The following TUBB8B variants were observed in gnomAD, a reference collection of about 807,000 sequenced individuals.
TUBB8B encodes the protein HSA18p11 beta-tubulin 4Q pseudogene.
In TUBB8B, 26 loss-of-function variants were observed where a neutral mutation model predicts 31.9. The observed-to-expected ratio is 0.81, with a 90% CI of 0.60 to 1.13. TUBB8B has a LOEUF of 1.13. Among genes scored for constraint, TUBB8B ranks in the 50% most tolerant of loss-of-function variants. The probability of loss-of-function intolerance (pLI) is 0.00; values close to 1 mark genes in which losing one functional copy is unlikely to be tolerated. For synonymous variants in TUBB8B, 173 were observed against 231.0 expected, an observed-to-expected ratio of 0.75 and a Z score of 2.28; for missense variants, 467 against 586.7, an observed-to-expected ratio of 0.80 and a Z score of 2.11.
chr18:60,037 G>A, the TUBB8B span, among the ~76,000 whole-genome samples: 1 of 151,610 alleles, frequency 6.6e-6, no homozygotes, highest in Non-Finnish European at 1.5e-5. Flanking sequence ...TTTTAAATGT[G>A]TCTTTGTCTT....
the TUBB8B span, among the ~76,000 whole-genome samples, chr18:61,800 C>T: frequency 6.6e-6 from 1 of 151,566 alleles, no homozygotes; most frequent in African/African-American, 2.4e-5. Flanking sequence ...CCCTATTTTA[C>T]TGTCTATGTC....
chr18:72,505 G>C, the TUBB8B span, among the ~76,000 whole-genome samples: 2 of 152,140 alleles, frequency 1.3e-5, no homozygotes, highest in African/African-American at 4.8e-5. Context: ...ACTTCCATTA[G>C]ACGCACACAA....
the TUBB8B span, among the ~76,000 whole-genome samples, chr18:69,094 T>C: frequency 2.0e-5 from 3 of 152,326 alleles, no homozygotes; most frequent in Non-Finnish European, 4.4e-5. Context: ...AAGGAAATAA[T>C]AGTTTAATGG....
the TUBB8B span, among the ~76,000 whole-genome samples, chr18:61,827 G>T: frequency 1.3e-5 from 2 of 151,478 alleles, no homozygotes; most frequent in Non-Finnish European, 3.0e-5. Context: ...ATATGTTGTA[G>T]TTATTTTTTA....
the TUBB8B span, among the ~76,000 whole-genome samples, chr18:65,971 G>T: frequency 6.6e-6 from 1 of 152,300 alleles, no homozygotes; most frequent in Non-Finnish European, 1.5e-5. Context: ...GCTTACACCT[G>T]TAATACCAGC....
rs758473790 is a variant in TUBB8B, at chr18:47,762, C to T, written c.963G>A (p.Met321Ile). ...LTVAAIFRGRMPMREVDEQMF... is the reference protein window; with the variant it reads ...LTVAAIFRGRIPMREVDEQMF... ...TTTGTTCATCCACCTCCCTCATGGG[C>T]ATGCGACCCCTGAAAATGGCAGCCA... is the stretch of plus-strand genomic sequence containing the variant. Residue 321 changes from methionine (M) to isoleucine (I), a missense_variant, in exon 4 of 4, where the codon ATG (methionine) becomes ATA (isoleucine). Physicochemically the swap from Met to Ile is conservative, Grantham distance 10. Transcript: ENST00000308911. 8.7e-6 allele frequency: 14 copies of T among 1,611,396 alleles called. No individual in the cohort carries two copies. The highest frequency in any genetic ancestry group is 1.2e-5 in the Non-Finnish European group (14 of 1,179,198).
upstream of TUBB8B, among the ~76,000 whole-genome samples, chr18:51,250 A>T (rs1265289924): frequency 6.6e-6 from 1 of 151,888 alleles, no homozygotes; most frequent in Non-Finnish European, 1.5e-5. Context: ...CTGGCCTGCT[A>T]GAATCAATTT....
At position 48,310 on chromosome 18, in the gene TUBB8B, G is replaced by C; in HGVS notation, c.415C>G (p.Leu139Val). ...CLQGFQLTHS[L>V]GGGTGSGMGT... Reference sequence around the variant, plus strand: ...ATCCCAGACCCAGTCCCCCCACCCAGGGAGTGGGTCAGCTGGAAACCCTGC... The same window carrying C: ...ATCCCAGACCCAGTCCCCCCACCCACGGAGTGGGTCAGCTGGAAACCCTGC... The change falls in exon 4 of 4, where the codon CTG (leucine) becomes GTG (valine). Residue 139 changes from leucine to valine, a missense_variant. Coordinates refer to ENST00000308911, the MANE Select transcript of TUBB8B (RefSeq NM_001358689.2). The C allele has an allele frequency of 6.2e-7, 1 of 1,610,708 alleles. No homozygotes were observed. Among genetic ancestry groups the C allele is most frequent in the South Asian group, 1.1e-5 (1 of 91,002 alleles).
the TUBB8B span, among the ~76,000 whole-genome samples, chr18:55,080 T>TA: frequency 6.6e-5 from 10 of 151,958 alleles, no homozygotes; most frequent in African/African-American, 2.2e-4. Flanking sequence ...TGCACTGCTA[T>TA]AAAAAAACTG....
rs1345612416 is a variant in TUBB8B at position 47,613 on chromosome 18, T to C, written c.1112A>G (p.Asn371Ser). 9 of 1,612,502 alleles carry C rather than the reference T, an allele frequency of 5.6e-6. No individual in the cohort carries two copies. Among genetic ancestry groups the C allele is most frequent in the African/African-American group, 1.3e-5 (1 of 74,920 alleles). ...TGTGAAGAGTTCCTGGATGGCCGCATTATTCCCAATGAAGGTGGCTGACAT... is the reference window on the plus strand; with the variant it reads ...TGTGAAGAGTTCCTGGATGGCCGCACTATTCCCAATGAAGGTGGCTGACAT... ...LKMSATFIGN[N>S]AAIQELFTCV... The change falls in exon 4 of 4, where the codon AAT (asparagine) becomes AGT (serine). Residue 371 changes from asparagine to serine, a missense_variant. Physicochemically the swap from Asn to Ser is conservative, Grantham distance 46. Transcript: ENST00000308911.
chr18:69,876 G>T, the TUBB8B span, among the ~76,000 whole-genome samples: 1 of 152,208 alleles, frequency 6.6e-6, no homozygotes, highest in Non-Finnish European at 1.5e-5. Flanking sequence ...AAGCTTATTG[G>T]CCAGGCACAG....
Position 47,649 on chromosome 18 carries a change from C to T in TUBB8B, c.1076G>A (p.Arg359Gln), listed in dbSNP as rs923731334. 2.5e-5 allele frequency: 41 copies of T among 1,612,480 alleles called. 1 individual carries two copies. The East Asian group carries it at 5.6e-4, about 22-fold the overall frequency. Reference sequence around the variant, plus strand: ...GAAGGTGGCTGACATTTTTAGCCCCCGGGGTGGGATGTCACAGACGGCTGT... The same window carrying T: ...GAAGGTGGCTGACATTTTTAGCCCCTGGGGTGGGATGTCACAGACGGCTGT... ...VKTAVCDIPP[R>Q]GLKMSATFIG... Residue 359 changes from arginine (R) to glutamine (Q), a missense_variant, in exon 4 of 4, where the codon CGG (arginine) becomes CAG (glutamine). Physicochemically the swap from Arg to Gln is conservative, Grantham distance 43. Transcript: ENST00000308911.
rs761430207 is a variant in TUBB8B at position 47,728 on chromosome 18, T to A, written c.997A>T (p.Ile333Phe). 1.2e-6 allele frequency: 2 copies of A among 1,610,800 alleles called. No homozygotes were observed. The highest frequency in any genetic ancestry group is 1.7e-6 in the Non-Finnish European group (2 of 1,178,568). The change falls in exon 4 of 4, where the codon ATT (isoleucine) becomes TTT (phenylalanine). Residue 333 changes from isoleucine (I) to phenylalanine (F), a missense_variant. Ile to Phe is a conservative substitution (Grantham distance 21). Transcript: ENST00000308911. ...MREVDEQMFNIQDKNSSYFAD... is the reference protein window; with the variant it reads ...MREVDEQMFNFQDKNSSYFAD... ...AAGTAGCTGCTGTTCTTATCTTGAA[T>A]GTTGAACATTTGTTCATCCACCTCC...
At chr18:59,394 C>T in the TUBB8B span, among the ~76,000 whole-genome samples, 6 of 151,550 alleles carry the variant, frequency 4.0e-5, no homozygotes, top group African/African-American at 1.5e-4. Context: ...TAGTATGATA[C>T]TAGCTGGGGG....
At chr18:70,933 C>A in the TUBB8B span, among the ~76,000 whole-genome samples, 3 of 110,202 alleles carry the variant, frequency 2.7e-5, no homozygotes, top group African/African-American at 1.3e-4. Context: ...GAGTGAAAAT[C>A]TGTCTCAAAA....
Position 48,124 on chromosome 18 carries a change from AG to A in TUBB8B, c.600del (p.Cys201AlafsTer2). On this transcript the variant is annotated frameshift_variant, in exon 4 of 4. Transcript: ENST00000308911. LOFTEE classifies it high-confidence loss of function. ...TCATATAGCGCTTCGTTATCTATGCAGAAGGTCTCATCCGCGTTTTCTATGA... is the reference window on the plus strand; with the variant it reads ...TCATATAGCGCTTCGTTATCTATGCAAAGGTCTCATCCGCGTTTTCTATGA... Reference protein sequence around the residue: ...HQLIENADETFCIDNEALYDI... With the variant: ...HQLIENADETXCIDNEALYDI... The A allele has an allele frequency of 6.2e-7, 1 of 1,613,982 alleles. No individual in the cohort carries two copies. Among genetic ancestry groups the A allele is most frequent in the Non-Finnish European group, 8.5e-7 (1 of 1,179,816 alleles).
At chr18:48,833 G>T in intron 3 of TUBB8B, 107 bp downstream of exon 3, 1 of 848,288 alleles carries the variant, frequency 1.2e-6, no homozygotes, top group East Asian at 2.5e-5. Flanking sequence ...ATAGGAGGGT[G>T]TTCAGGGGCC....
At chr18:64,467 A>C in the TUBB8B span, among the ~76,000 whole-genome samples, 4 of 152,240 alleles carry the variant, frequency 2.6e-5, no homozygotes, top group African/African-American at 9.6e-5. Context: ...GCTCCTGCCT[A>C]TAATCGCAGC....
rs1446483957 is a variant in TUBB8B, at chr18:49,560, C to G, written c.-3G>C. ...TGCGTGAGCACGATTTCCCTCATGG[C>G]CAAGGCAGGATTAGGGCGGCAGCAG... On this transcript the variant is annotated 5_prime_UTR_variant, in exon 1 of 4. Coordinates refer to ENST00000308911, the MANE Select transcript of TUBB8B (RefSeq NM_001358689.2). 8.3e-6 allele frequency: 7 copies of G among 846,092 alleles called. No homozygotes were observed. The highest frequency in any genetic ancestry group is 1.3e-5 in the Non-Finnish European group (7 of 524,814). The allele number at this position is 846,092 out of a possible 1,614,324, so 52.4% of individuals were successfully genotyped here.
Sources: gnomAD v4.1 joint callset for allele counts (sites outside exome capture counted in the v4.1 genomes callset) on GRCh38, gnomAD v4.1.1 for gene constraint, MANE v1.5 for transcripts, NCBI Gene and HGNC (gene_info 2026-07-23, HGNC 2026-07-21) for gene names.